The following SYT16 variants were observed in gnomAD, a reference collection of about 807,000 sequenced individuals.
SYT16 encodes the protein synaptotagmin-16.
SYT16 carries 42 observed loss-of-function variants against 61.4 expected under a neutral mutation model. The observed-to-expected ratio is 0.68, with a 90% CI of 0.53 to 0.89. The LOEUF (loss-of-function observed/expected upper bound fraction) is 0.89, where lower values mean the gene tolerates loss of function less well. Ranked by LOEUF, SYT16 falls within the 40% of genes least tolerant of loss-of-function variation. The pLI, the probability that SYT16 is intolerant of heterozygous loss-of-function variation, is 0.00. For synonymous variants in SYT16, 314 were observed against 302.3 expected (o/e 1.04, Z -0.40); for missense variants, 804 against 807.3 (o/e 1.00, Z 0.05).
At chr14:62,080,402 A>G (rs928610020) in intron 5 of SYT16, among the ~76,000 whole-genome samples, 11 of 152,228 alleles carry the variant, frequency 7.2e-5, no homozygotes, top group African/African-American at 2.7e-4. Flanking sequence ...TCTTGTCTGT[A>G]GAAAGCTCTT....
intron 1 of SYT16, among the ~76,000 whole-genome samples, chr14:61,965,869 A>G (rs568956674): frequency 1.8e-4 from 27 of 152,250 alleles, no homozygotes; most frequent in Non-Finnish European, 3.4e-4. Flanking sequence ...TCTGGCTTCC[A>G]GGAAAAATGA....
At chr14:61,896,104 G>A (rs217675) in intron 1 of SYT16, among the ~76,000 whole-genome samples, 19,305 of 151,494 alleles carry the variant, frequency 0.13, 1,959 homozygotes, top group African/African-American at 0.28. Context: ...CTTGGTGGGC[G>A]TGGGGGATGG....
chr14:62,002,629 G>A (rs1362030034), intron 3 of SYT16, among the ~76,000 whole-genome samples: 2 of 152,006 alleles, frequency 1.3e-5, no homozygotes, highest in Non-Finnish European at 2.9e-5. Context: ...CGGAGACAGG[G>A]GAATCTGCAG....
At chr14:62,053,665 G>C (rs1288002177) in intron 3 of SYT16, among the ~76,000 whole-genome samples, 4 of 152,168 alleles carry the variant, frequency 2.6e-5, no homozygotes, top group Non-Finnish European at 5.9e-5. Flanking sequence ...GCAGAGACTA[G>C]AAAAGTATGA....
At chr14:62,090,086 T>C (rs2057019629) in intron 7 of SYT16, among the ~76,000 whole-genome samples, 1 of 152,248 alleles carries the variant, frequency 6.6e-6, no homozygotes, top group South Asian at 2.1e-4. Context: ...GTTACAGATA[T>C]ACTGCTATGT....
At chr14:61,898,630 T>G (rs2048407426) in intron 1 of SYT16, among the ~76,000 whole-genome samples, 1 of 152,158 alleles carries the variant, frequency 6.6e-6, no homozygotes, top group Non-Finnish European at 1.5e-5. Flanking sequence ...CATCCAAAGT[T>G]CATGTGACTC....
chr14:61,978,552 G>T (rs7494500), intron 2 of SYT16, among the ~76,000 whole-genome samples: 82,883 of 152,034 alleles, frequency 0.55, 23,435 homozygotes, highest in East Asian at 0.75. Flanking sequence ...ATCACAACAG[G>T]GAGTGGCAGG....
At chr14:61,923,132 T>C (rs974828443) in intron 1 of SYT16, among the ~76,000 whole-genome samples, 1 of 152,172 alleles carries the variant, frequency 6.6e-6, no homozygotes, top group African/African-American at 2.4e-5. Flanking sequence ...AGAATGGCTC[T>C]TATAAATATT....
At chr14:62,047,395 A>G (rs376560811) in intron 3 of SYT16, among the ~76,000 whole-genome samples, 10,374 of 152,022 alleles carry the variant, frequency 0.068, 449 homozygotes, top group East Asian at 0.11. Flanking sequence ...GGGGTTTTCT[A>G]GATATACAAT....
At chr14:61,823,717 G>A (rs571634541) in intron 1 of SYT16, among the ~76,000 whole-genome samples, 36 of 152,158 alleles carry the variant, frequency 2.4e-4, no homozygotes, top group Non-Finnish European at 4.0e-4. Context: ...GCGCCACTGC[G>A]CTCCAGCCTG....
At chr14:62,063,881 G>T (rs930628738) in intron 3 of SYT16, among the ~76,000 whole-genome samples, 2 of 152,144 alleles carry the variant, frequency 1.3e-5, no homozygotes, top group South Asian at 4.1e-4. Flanking sequence ...TGAAGGTGCC[G>T]GAGTACATGT....
intron 1 of SYT16, among the ~76,000 whole-genome samples, chr14:61,925,926 A>G (rs1028103872): frequency 1.3e-5 from 2 of 152,230 alleles, no homozygotes; most frequent in Admixed American, 1.3e-4. Context: ...GACCAGGGTC[A>G]TGGTTCAGAT....
chr14:61,959,109 C>A (rs2051007131), intron 1 of SYT16, among the ~76,000 whole-genome samples: 4 of 152,084 alleles, frequency 2.6e-5, no homozygotes, highest in Admixed American at 2.6e-4. Flanking sequence ...ATATCTTTAT[C>A]TACCATTTTC....
intron 1 of SYT16, among the ~76,000 whole-genome samples, chr14:61,860,175 A>G (rs2046921326): frequency 6.6e-6 from 1 of 152,256 alleles, no homozygotes; most frequent in Non-Finnish European, 1.5e-5. Flanking sequence ...ACAGTTTGGT[A>G]CAAGTAACAA....
intron 3 of SYT16, among the ~76,000 whole-genome samples, chr14:62,010,290 A>G (rs933037441): frequency 2.0e-5 from 3 of 152,210 alleles, no homozygotes; most frequent in African/African-American, 7.2e-5. Context: ...AGTGCCATGT[A>G]GAAAAATAAA....
At chr14:61,908,566 G>A (rs542494251) in intron 1 of SYT16, among the ~76,000 whole-genome samples, 7 of 152,182 alleles carry the variant, frequency 4.6e-5, no homozygotes, top group Non-Finnish European at 8.8e-5. Flanking sequence ...ATAAGTGGAC[G>A]GTTTTGTTTC....
At chr14:62,051,566 G>A (rs957646759) in intron 3 of SYT16, among the ~76,000 whole-genome samples, 5 of 152,196 alleles carry the variant, frequency 3.3e-5, no homozygotes, top group Admixed American at 2.0e-4. Context: ...CATCAGTCAC[G>A]CTAGGAGCTG....
At chr14:61,985,109 G>T (rs1430852579) in intron 2 of SYT16, among the ~76,000 whole-genome samples, 1 of 152,072 alleles carries the variant, frequency 6.6e-6, no homozygotes, top group South Asian at 2.1e-4. Context: ...CATATTATTA[G>T]CATTACTATT....
At chr14:61,821,200 C>T (rs546808502) in intron 1 of SYT16, among the ~76,000 whole-genome samples, 2 of 152,048 alleles carry the variant, frequency 1.3e-5, no homozygotes, top group African/African-American at 4.8e-5. Flanking sequence ...CTCCCTTAAC[C>T]CCTATCATCC....
Sources: gnomAD v4.1 joint callset for allele counts (sites outside exome capture counted in the v4.1 genomes callset) on GRCh38, gnomAD v4.1.1 for gene constraint, MANE v1.5 for transcripts, NCBI Gene and HGNC (gene_info 2026-07-23, HGNC 2026-07-21) for gene names.